Variants in ADAMTS12 observed in about 807,000 individuals in gnomAD.
ADAMTS12 encodes the protein ADAM metallopeptidase with thrombospondin type 1 motif 12.
A neutral mutation model predicts 167.8 loss-of-function variants in ADAMTS12; 118 were observed. The ratio of observed to expected loss-of-function variants is 0.70; its 90% CI spans 0.61 to 0.82. The LOEUF (loss-of-function observed/expected upper bound fraction) is 0.82, where lower values mean the gene tolerates loss of function less well. Ranked by LOEUF, ADAMTS12 falls within the 40% of genes least tolerant of loss-of-function variation. ADAMTS12 has a pLI of 0.00. For synonymous variants in ADAMTS12, 704 were observed against 716.9 expected, an observed-to-expected ratio of 0.98 and a Z score of 0.29; for missense variants, 1,916 against 1,998.8, an observed-to-expected ratio of 0.96 and a Z score of 0.79.
chr5:33,597,800 G>A (rs1274231158), intron 16 of ADAMTS12, among the ~76,000 whole-genome samples: 1 of 152,078 alleles, frequency 6.6e-6, no homozygotes, highest in East Asian at 1.9e-4. Flanking sequence ...CATCAGAGAA[G>A]CTGACATGCA....
At chr5:33,611,433 T>C (rs1250757663) in intron 16 of ADAMTS12, among the ~76,000 whole-genome samples, 1 of 152,104 alleles carries the variant, frequency 6.6e-6, no homozygotes, top group Non-Finnish European at 1.5e-5. Flanking sequence ...TACTACATTC[T>C]CTATTTTGCT....
intron 3 of ADAMTS12, among the ~76,000 whole-genome samples, chr5:33,748,527 C>A (rs549134906): frequency 1.3e-5 from 2 of 152,218 alleles, no homozygotes; most frequent in South Asian, 4.2e-4. Context: ...CATTTGGGCA[C>A]CTTTCTATGT....
Position 33,574,429 on chromosome 5 carries a change from G to A in ADAMTS12, c.3972+1625C>T, listed in dbSNP as rs529781987. Among the ~76,000 whole-genome samples the A allele has an allele frequency of 3.0e-4, 45 of 152,242 alleles. 1 individual carries two copies. In the South Asian group the frequency reaches 3.1e-3, roughly 11 times the overall value. On this transcript the variant is annotated intron_variant, in intron 19 of 23. Coordinates refer to ENST00000504830, the MANE Select transcript of ADAMTS12 (RefSeq NM_030955.4). ...ATACTACGCAGTCATAAAAAATGAT[G>A]AGTTCATGTCCTTTGTAGGGACATG...
At chr5:33,711,256 C>T (rs1743393361) in intron 3 of ADAMTS12, among the ~76,000 whole-genome samples, 1 of 152,100 alleles carries the variant, frequency 6.6e-6, no homozygotes, top group South Asian at 2.1e-4. Context: ...CCTCCCCATC[C>T]AAATTAACAT....
intron 2 of ADAMTS12, among the ~76,000 whole-genome samples, chr5:33,853,189 T>G (rs750684903): frequency 1.6e-4 from 24 of 152,214 alleles, no homozygotes; most frequent in Non-Finnish European, 3.4e-4. Context: ...TAAGAGAATA[T>G]TTATAACATC....
chr5:33,882,200 GA>G (rs1247632842), intron 1 of ADAMTS12, among the ~76,000 whole-genome samples: 2 of 151,718 alleles, frequency 1.3e-5, no homozygotes, highest in South Asian at 2.1e-4. Context: ...AGATTAGAGG[GA>G]AAAAAAACAC....
chr5:33,872,020 C>T (rs1750054303), intron 2 of ADAMTS12, among the ~76,000 whole-genome samples: 1 of 152,054 alleles, frequency 6.6e-6, no homozygotes, highest in Non-Finnish European at 1.5e-5. Context: ...AAAAAATAGG[C>T]AATGTAAATA....
At chr5:33,715,984 T>C (rs1427386832) in intron 3 of ADAMTS12, among the ~76,000 whole-genome samples, 1 of 152,158 alleles carries the variant, frequency 6.6e-6, no homozygotes, top group Non-Finnish European at 1.5e-5. Flanking sequence ...TAAAGATAGA[T>C]GTTAACTTTT....
At chr5:33,731,779 G>A (rs565910723) in intron 3 of ADAMTS12, among the ~76,000 whole-genome samples, 13 of 152,312 alleles carry the variant, frequency 8.5e-5, no homozygotes, top group South Asian at 6.2e-4. Context: ...GATGGCTCAT[G>A]ACCCTGCCTA....
At chr5:33,862,134 C>G (rs1580001056) in intron 2 of ADAMTS12, among the ~76,000 whole-genome samples, 1 of 152,010 alleles carries the variant, frequency 6.6e-6, no homozygotes, top group Non-Finnish European at 1.5e-5. Flanking sequence ...GAAGCAAGAA[C>G]AAACAAATTC....
chr5:33,725,154 T>C (rs1460157911), intron 3 of ADAMTS12, among the ~76,000 whole-genome samples: 1 of 152,186 alleles, frequency 6.6e-6, no homozygotes, highest in East Asian at 1.9e-4. Context: ...ACAATCGGCA[T>C]TCCTGAAACA....
At chr5:33,569,242 G>A (rs918251412) in intron 19 of ADAMTS12, among the ~76,000 whole-genome samples, 4 of 152,228 alleles carry the variant, frequency 2.6e-5, no homozygotes, top group Admixed American at 2.0e-4. Context: ...GAAGAGAGCC[G>A]TCGTTCTCCC....
intron 14 of ADAMTS12, 74 bp from the exon 15 acceptor site, chr5:33,616,146 T>C: frequency 6.4e-7 from 1 of 1,555,940 alleles, no homozygotes; most frequent in Non-Finnish European, 8.7e-7. Flanking sequence ...TGTGACCCAC[T>C]GTTAATCCTC....
chr5:33,758,709 A>G (rs1314875415), intron 2 of ADAMTS12, among the ~76,000 whole-genome samples: 5 of 152,170 alleles, frequency 3.3e-5, no homozygotes. Flanking sequence ...GGAATTGCTC[A>G]TTAGTAGTTG....
rs187323815 is a variant in ADAMTS12, at chr5:33,591,631, G to C, written c.2655-2822C>G. 5.3e-5 allele frequency among the ~76,000 whole-genome samples: 8 copies of C among 152,118 alleles called. No individual in the cohort carries two copies. In the East Asian group the frequency reaches 1.5e-3, roughly 29 times the overall value. On this transcript the variant is annotated intron_variant, in intron 17 of 23. Coordinates refer to ENST00000504830, the MANE Select transcript of ADAMTS12 (RefSeq NM_030955.4). Reference sequence around the variant, plus strand: ...CATTCCTCCAGCCTCATTTTCCCTAGCTTTCTTGTCCCCTACACACACCAT... The same window carrying C: ...CATTCCTCCAGCCTCATTTTCCCTACCTTTCTTGTCCCCTACACACACCAT...
intron 2 of ADAMTS12, among the ~76,000 whole-genome samples, chr5:33,783,920 G>A (rs1276470287): frequency 6.6e-6 from 1 of 151,708 alleles, no homozygotes; most frequent in Admixed American, 6.6e-5. Context: ...CAAAAAACCT[G>A]GCTAATATCC....
chr5:33,600,954 G>T (rs1005846637), intron 16 of ADAMTS12, among the ~76,000 whole-genome samples: 2 of 151,976 alleles, frequency 1.3e-5, no homozygotes, highest in East Asian at 1.9e-4. Flanking sequence ...TTCACTTTAG[G>T]TTCCCACTAA....
chr5:33,656,736 A>G (rs183558819), intron 7 of ADAMTS12, among the ~76,000 whole-genome samples: 1 of 152,264 alleles, frequency 6.6e-6, no homozygotes, highest in East Asian at 1.9e-4. Flanking sequence ...ACTGAAGGCC[A>G]CAGGGGCCAT....
intron 3 of ADAMTS12, among the ~76,000 whole-genome samples, chr5:33,750,359 G>A (rs1744931514): frequency 6.6e-6 from 1 of 152,168 alleles, no homozygotes; most frequent in Non-Finnish European, 1.5e-5. Flanking sequence ...GATGATAGAC[G>A]AAACTCCCAG....
Sources: gnomAD v4.1 joint callset for allele counts (sites outside exome capture counted in the v4.1 genomes callset) on GRCh38, gnomAD v4.1.1 for gene constraint, MANE v1.5 for transcripts, NCBI Gene and HGNC (gene_info 2026-07-23, HGNC 2026-07-21) for gene names.